The following ABTB3 variants were observed in gnomAD, a reference collection of about 807,000 sequenced individuals.
The protein encoded by ABTB3 is ankyrin repeat and BTB domain containing 3.
chr12:107,617,614 T>C, the ABTB3 span: 2 of 691,198 alleles, frequency 2.9e-6, no homozygotes, highest in South Asian at 3.9e-5. Context: ...GCCAACTCCA[T>C]GCAGTGCACA....
At chr12:107,386,719 G>A in the ABTB3 span, among the ~76,000 whole-genome samples, 1 of 152,120 alleles carries the variant, frequency 6.6e-6, no homozygotes, top group African/African-American at 2.4e-5. Context: ...CAGGGTGGGT[G>A]TCCCTGAGCG....
the ABTB3 span, among the ~76,000 whole-genome samples, chr12:107,574,329 C>A: frequency 6.6e-6 from 1 of 152,226 alleles, no homozygotes; most frequent in African/African-American, 2.4e-5. Flanking sequence ...ATTCACCTTC[C>A]CTGGTTTCTG....
chr12:107,560,740 A>G, the ABTB3 span, among the ~76,000 whole-genome samples: 1 of 152,204 alleles, frequency 6.6e-6, no homozygotes, highest in South Asian at 2.1e-4. Flanking sequence ...TAGAATGGAA[A>G]GTAGCATGGC....
chr12:107,464,949 T>TACAC, the ABTB3 span, among the ~76,000 whole-genome samples: 370 of 146,626 alleles, frequency 2.5e-3, 6 homozygotes, highest in East Asian at 0.027. Context: ...CTCCCTACCT[T>TACAC]ACACACACAC....
At chr12:107,576,194 A>T in the ABTB3 span, among the ~76,000 whole-genome samples, 1 of 152,130 alleles carries the variant, frequency 6.6e-6, no homozygotes, top group African/African-American at 2.4e-5. Flanking sequence ...TCAAAATAGG[A>T]TTTCTTGGTT....
the ABTB3 span, among the ~76,000 whole-genome samples, chr12:107,448,531 A>C: frequency 2.6e-5 from 4 of 152,262 alleles, no homozygotes; most frequent in African/African-American, 9.6e-5. Context: ...ACTTAAAGTA[A>C]AACTCTAAAC....
At chr12:107,424,484 G>C in the ABTB3 span, among the ~76,000 whole-genome samples, 2 of 152,178 alleles carry the variant, frequency 1.3e-5, no homozygotes, top group Admixed American at 1.3e-4. Context: ...AAGGCTGCTT[G>C]GTTTAATGAA....
the ABTB3 span, among the ~76,000 whole-genome samples, chr12:107,582,811 G>C: frequency 2.6e-5 from 4 of 152,156 alleles, no homozygotes; most frequent in African/African-American, 9.7e-5. Flanking sequence ...CACATTCTGC[G>C]TGCAGGCTCA....
the ABTB3 span, among the ~76,000 whole-genome samples, chr12:107,415,525 G>A: frequency 0.11 from 16,054 of 151,636 alleles, 1,870 homozygotes; most frequent in East Asian, 0.43. Flanking sequence ...TGGCTAACAT[G>A]GTGAAACCCC....
chr12:107,452,231 C>T, the ABTB3 span, among the ~76,000 whole-genome samples: 9 of 117,786 alleles, frequency 7.6e-5, no homozygotes, highest in African/African-American at 2.8e-4. Flanking sequence ...TTTTTTGAGA[C>T]GGAGTCTCAC....
chr12:107,469,965 T>TTTC, the ABTB3 span, among the ~76,000 whole-genome samples: 1 of 83,784 alleles, frequency 1.2e-5, no homozygotes. Flanking sequence ...TCTTTCTTTC[T>TTTC]TTCTTTCTTT....
chr12:107,421,436 G>A, the ABTB3 span, among the ~76,000 whole-genome samples: 5 of 152,136 alleles, frequency 3.3e-5, no homozygotes, highest in Non-Finnish European at 7.4e-5. Flanking sequence ...GGGAGCACCC[G>A]CTCTGTGCCT....
chr12:107,541,884 A>G, the ABTB3 span, among the ~76,000 whole-genome samples: 1,162 of 151,704 alleles, frequency 7.7e-3, 7 homozygotes, highest in Non-Finnish European at 0.013. Context: ...CATGTTACAA[A>G]CCTGTATGTG....
At chr12:107,617,466 C>T in the ABTB3 span, 2 of 1,610,518 alleles carry the variant, frequency 1.2e-6, no homozygotes, top group Non-Finnish European at 8.5e-7. Flanking sequence ...AGCCAGAGGT[C>T]CCGAGTGGTG....
At chr12:107,648,814 C>T in the ABTB3 span, among the ~76,000 whole-genome samples, 19,331 of 151,888 alleles carry the variant, frequency 0.13, 1,413 homozygotes, top group Middle Eastern at 0.19. Context: ...AGCCATGCCA[C>T]GTGTACAGCA....
chr12:107,523,857 G>A, the ABTB3 span, among the ~76,000 whole-genome samples: 42,160 of 152,002 alleles, frequency 0.28, 6,486 homozygotes, highest in African/African-American at 0.39. Flanking sequence ...TGGCTACCGA[G>A]TTGGGACATA....
chr12:107,416,061 C>T, the ABTB3 span, among the ~76,000 whole-genome samples: 24 of 152,246 alleles, frequency 1.6e-4, no homozygotes, highest in Non-Finnish European at 2.9e-4. Context: ...TGAAATAATT[C>T]GGGCAGGCGC....
the ABTB3 span, among the ~76,000 whole-genome samples, chr12:107,425,416 T>C: frequency 6.6e-6 from 1 of 152,162 alleles, no homozygotes; most frequent in Non-Finnish European, 1.5e-5. Flanking sequence ...TGGAATTAGA[T>C]AGGGTGAGGA....
chr12:107,519,104 G>T, the ABTB3 span, among the ~76,000 whole-genome samples: 13 of 152,072 alleles, frequency 8.5e-5, no homozygotes, highest in African/African-American at 3.1e-4. Flanking sequence ...CACAATAACG[G>T]TGAGTAACTA....
Sources: allele counts gnomAD v4.1 joint callset (sites outside exome capture counted in the v4.1 genomes callset), GRCh38; gene constraint gnomAD v4.1.1; transcripts MANE v1.5; gene names NCBI Gene and HGNC (gene_info 2026-07-23, HGNC 2026-07-21).